The following CNTNAP5 variants were observed in gnomAD, a reference collection of about 807,000 sequenced individuals.
The protein encoded by CNTNAP5 is contactin-associated protein-like 5.
Under a neutral mutation model 150.2 loss-of-function variants are expected in CNTNAP5, and 72 were observed. The observed-to-expected ratio is 0.48, with a 90% confidence interval of 0.40 to 0.58. The LOEUF (loss-of-function observed/expected upper bound fraction) is 0.58. Among genes scored for constraint, CNTNAP5 ranks in the 20% least tolerant of loss-of-function variants. The pLI is 0.00. For synonymous variants in CNTNAP5, 672 were observed against 619.8 expected (o/e 1.08, Z -1.25); for missense variants, 1,636 against 1,626.2 (o/e 1.01, Z -0.10).
At chr2:124,266,152 A>C (rs1687601717) in intron 3 of CNTNAP5, among the ~76,000 whole-genome samples, 1 of 152,134 alleles carries the variant, frequency 6.6e-6, no homozygotes, top group Non-Finnish European at 1.5e-5. Context: ...CCCTATTCCC[A>C]AACCTTATAC....
chr2:124,653,479 G>T (rs1678364433), intron 13 of CNTNAP5, among the ~76,000 whole-genome samples: 1 of 151,480 alleles, frequency 6.6e-6, no homozygotes, highest in Non-Finnish European at 1.5e-5. Flanking sequence ...TATAGTATAT[G>T]CTATGTCATA....
At position 124,860,448 on chromosome 2, in the gene CNTNAP5, C is replaced by T. The variant is rs867665441; in HGVS notation, c.3218-4858C>T. On this transcript the variant is annotated intron_variant, in intron 19 of 23. Transcript: ENST00000682447. ...CCTTCCTTCCTTCCTTCCTTCCTTCCTTCTTTCCTTCCTTCCTTCCTTCCT... is the reference window on the plus strand; with the variant it reads ...CCTTCCTTCCTTCCTTCCTTCCTTCTTTCTTTCCTTCCTTCCTTCCTTCCT... 5.6e-3 allele frequency among the ~76,000 whole-genome samples: 407 copies of T among 72,650 alleles called. 3 individuals carry two copies. The highest frequency in any genetic ancestry group is 0.037 in the African/African-American group (305 of 8,186). The allele number at this position is 72,650 out of a possible 152,430, so 47.7% of individuals were successfully genotyped here.
chr2:124,172,338 A>G (rs1684953349), intron 1 of CNTNAP5, among the ~76,000 whole-genome samples: 1 of 152,234 alleles, frequency 6.6e-6, no homozygotes, highest in African/African-American at 2.4e-5. Flanking sequence ...AAAACTTAGA[A>G]AATATGAAAC....
At chr2:124,255,043 C>A (rs1386195240) in intron 3 of CNTNAP5, among the ~76,000 whole-genome samples, 1 of 152,060 alleles carries the variant, frequency 6.6e-6, no homozygotes, top group African/African-American at 2.4e-5. Flanking sequence ...AGAAAGAATG[C>A]AGGTTAGCAA....
Position 124,312,559 on chromosome 2 carries a change from A to ATTTGTTTG in CNTNAP5, c.381+70186_381+70193dup, listed in dbSNP as rs758725424. On this transcript the variant is annotated intron_variant, in intron 3 of 23. Transcript: ENST00000682447. ...TTTGTGGGGGTTTTTTTGTTTGTTT[A>ATTTGTTTG]TTTGTTTGTTTGTTTGTTTGTTTGT... Among the ~76,000 whole-genome samples, 6 of 144,762 alleles carry ATTTGTTTG rather than the reference A, an allele frequency of 4.1e-5. No homozygotes were observed. The South Asian group carries it at 1.1e-3, about 27-fold the overall frequency. 95.0% of individuals were successfully genotyped at this position (144,762 alleles called of 152,430 possible). A position where few individuals can be genotyped will look rare whatever the true frequency, so the allele number is the denominator to read the frequency against.
chr2:124,275,658 C>A (rs1687867036), intron 3 of CNTNAP5, among the ~76,000 whole-genome samples: 1 of 152,118 alleles, frequency 6.6e-6, no homozygotes, highest in East Asian at 1.9e-4. Context: ...TGCCTTGCTT[C>A]TTGACCCATG....
At chr2:124,731,536 T>G in intron 13 of CNTNAP5, among the ~76,000 whole-genome samples, 1 of 148,964 alleles carries the variant, frequency 6.7e-6, no homozygotes, top group Admixed American at 6.7e-5. Context: ...AAGGTAAAAA[T>G]AATTTGGGGA....
chr2:124,257,889 G>T (rs1256753744), intron 3 of CNTNAP5, among the ~76,000 whole-genome samples: 1 of 152,008 alleles, frequency 6.6e-6, no homozygotes, highest in Non-Finnish European at 1.5e-5. Flanking sequence ...ATTTGCCCTG[G>T]CTGTCTCATT....
At chr2:124,380,080 AT>A (rs1690749441) in intron 3 of CNTNAP5, among the ~76,000 whole-genome samples, 2 of 152,166 alleles carry the variant, frequency 1.3e-5, no homozygotes, top group Admixed American at 6.6e-5. Flanking sequence ...TTTCCTAGTT[AT>A]TAATTTACTG....
At chr2:124,706,614 G>A (rs906002935) in intron 13 of CNTNAP5, among the ~76,000 whole-genome samples, 5 of 151,794 alleles carry the variant, frequency 3.3e-5, no homozygotes, top group Non-Finnish European at 5.9e-5. Flanking sequence ...GCTCATGGTG[G>A]TACATGCCTG....
intron 3 of CNTNAP5, among the ~76,000 whole-genome samples, chr2:124,354,406 G>A (rs914069839): frequency 2.0e-5 from 3 of 152,088 alleles, no homozygotes; most frequent in African/African-American, 7.2e-5. Flanking sequence ...TAAATGTATT[G>A]GACCTGCCAT....
At chr2:124,868,728 C>A (rs183442661) in intron 20 of CNTNAP5, among the ~76,000 whole-genome samples, 3 of 152,248 alleles carry the variant, frequency 2.0e-5, no homozygotes, top group African/African-American at 7.2e-5. Context: ...AAAGGAAAAT[C>A]ATGGCAGGGG....
At chr2:124,380,574 G>A (rs879651559) in intron 3 of CNTNAP5, among the ~76,000 whole-genome samples, 3 of 152,126 alleles carry the variant, frequency 2.0e-5, no homozygotes, top group Non-Finnish European at 4.4e-5. Flanking sequence ...CACATATCAT[G>A]TACTTTAGCA....
chr2:124,843,592 T>C (rs1682988235), intron 19 of CNTNAP5, among the ~76,000 whole-genome samples: 2 of 152,172 alleles, frequency 1.3e-5, no homozygotes, highest in Admixed American at 1.3e-4. Flanking sequence ...TACATTGTTT[T>C]TCATAGCGGT....
intron 1 of CNTNAP5, among the ~76,000 whole-genome samples, chr2:124,117,671 C>T (rs542007141): frequency 2.6e-5 from 4 of 152,168 alleles, no homozygotes; most frequent in South Asian, 2.1e-4. Flanking sequence ...TCCATAGCAC[C>T]GACTTCTTAA....
chr2:124,192,672 A>C (rs1685487880), intron 1 of CNTNAP5, among the ~76,000 whole-genome samples: 1 of 152,014 alleles, frequency 6.6e-6, no homozygotes, highest in Admixed American at 6.6e-5. Context: ...AAAATCTCAG[A>C]TCCTTCTCTG....
At chr2:124,176,864 C>T (rs6747933) in intron 1 of CNTNAP5, among the ~76,000 whole-genome samples, 17 of 140,036 alleles carry the variant, frequency 1.2e-4, no homozygotes, top group Admixed American at 2.9e-4. Context: ...TTTTTTTTTA[C>T]ATGGCGTTTC....
intron 1 of CNTNAP5, among the ~76,000 whole-genome samples, chr2:124,060,270 G>T (rs1558741318): frequency 1.3e-5 from 2 of 152,186 alleles, no homozygotes; most frequent in Non-Finnish European, 2.9e-5. Flanking sequence ...ATAAGGCTAG[G>T]CAGTTCTCAA....
intron 7 of CNTNAP5, among the ~76,000 whole-genome samples, chr2:124,498,901 G>A (rs1274073065): frequency 6.6e-6 from 1 of 152,094 alleles, no homozygotes; most frequent in African/African-American, 2.4e-5. Flanking sequence ...GATACCCAAG[G>A]TTAGAGAAAC....
Sources: gnomAD v4.1 joint callset for allele counts (sites outside exome capture counted in the v4.1 genomes callset) on GRCh38, gnomAD v4.1.1 for gene constraint, MANE v1.5 for transcripts, NCBI Gene and HGNC (gene_info 2026-07-23, HGNC 2026-07-21) for gene names.